Variants in ITGAE observed in about 807,000 individuals in gnomAD.
ITGAE encodes the protein integrin subunit alpha E.
In ITGAE, 99 loss-of-function variants were observed where a neutral mutation model predicts 136.5. The observed-to-expected ratio is 0.73, with a 90% CI of 0.62 to 0.86. ITGAE has a LOEUF of 0.86. Ranked by LOEUF, ITGAE falls within the 40% of genes least tolerant of loss-of-function variation. The pLI, the probability that ITGAE is intolerant of heterozygous loss-of-function variation, is 0.00. For synonymous variants in ITGAE, 613 were observed against 591.8 expected (o/e 1.04, Z -0.52); for missense variants, 1,447 against 1,515.3 (o/e 0.95, Z 0.75).
intron 26 of ITGAE, chr17:3,725,599 G>T: frequency 1.2e-6 from 2 of 1,614,042 alleles, no homozygotes; most frequent in South Asian, 2.2e-5. Context: ...CGCACAGAAG[G>T]CTTTATCGGG....
At chr17:3,768,091 T>C (rs1327668666) in intron 2 of ITGAE, among the ~76,000 whole-genome samples, 3 of 152,192 alleles carry the variant, frequency 2.0e-5, no homozygotes, top group African/African-American at 7.2e-5. Flanking sequence ...AGTGAGCCAC[T>C]GTGCCTGGCC....
At chr17:3,760,376 C>A (rs2052136273) in intron 6 of ITGAE, 89 bp from the exon 7 acceptor site, 1 of 594,986 alleles carries the variant, frequency 1.7e-6, no homozygotes, top group Non-Finnish European at 3.0e-6. Context: ...CCACTGCAGC[C>A]CTGACAACCA....
chr17:3,715,900 T>C (rs552702841), intron 30 of ITGAE, among the ~76,000 whole-genome samples: 1 of 152,054 alleles, frequency 6.6e-6, no homozygotes, highest in African/African-American at 2.4e-5. Context: ...TTCATGACTG[T>C]AATCCCAGAA....
chr17:3,755,060 C>T (rs2051977466), intron 12 of ITGAE, 57 bp downstream of exon 12: 12 of 1,521,884 alleles, frequency 7.9e-6, no homozygotes, highest in Non-Finnish European at 1.1e-5. Flanking sequence ...CCCAGGGAGC[C>T]TCCAGGCCCC....
At position 3,761,035 on chromosome 17, in the gene ITGAE, TTCC is replaced by T. The variant is rs1208913230; in HGVS notation, c.573_575del (p.Glu192del). 1 of 1,603,404 alleles carries T rather than the reference TTCC, an allele frequency of 6.2e-7. No homozygotes were observed. On this transcript the variant is annotated inframe_deletion, in exon 6 of 31. Coordinates refer to ENST00000263087, the MANE Select transcript of ITGAE (RefSeq NM_002208.5). ...CACCAGCTTCCTCCTCCTCCTCGTC[TTCC>T]TCCTCCTCCTTGTCTTCCTCCTCCT... is the stretch of plus-strand genomic sequence containing the variant.
chr17:3,737,902 G>T (rs1400003312), intron 20 of ITGAE, among the ~76,000 whole-genome samples: 1 of 152,164 alleles, frequency 6.6e-6, no homozygotes, highest in Non-Finnish European at 1.5e-5. Flanking sequence ...CATGCGTGCT[G>T]TATCTCTACT....
intron 26 of ITGAE, among the ~76,000 whole-genome samples, chr17:3,727,194 A>G (rs1173943793): frequency 6.6e-6 from 1 of 152,160 alleles, no homozygotes; most frequent in Non-Finnish European, 1.5e-5. Flanking sequence ...TTTGGGAACC[A>G]GACTACAGAT....
chr17:3,729,040 T>TA (rs368373828), intron 24 of ITGAE, among the ~76,000 whole-genome samples: 64 of 142,110 alleles, frequency 4.5e-4, no homozygotes, highest in South Asian at 4.6e-4. Flanking sequence ...CGTCTCAGTT[T>TA]AAAAAAAAAA....
At chr17:3,731,077 C>T in intron 23 of ITGAE, 27 bp downstream of exon 23, 4 of 1,578,828 alleles carry the variant, frequency 2.5e-6, no homozygotes, top group Non-Finnish European at 3.5e-6. Flanking sequence ...CATAGCCTGA[C>T]TCTGCTGTGA....
chr17:3,760,883 C>T, intron 6 of ITGAE, 130 bp downstream of exon 6: 2 of 1,342,574 alleles, frequency 1.5e-6, no homozygotes, highest in East Asian at 5.1e-5. Context: ...GGAGCTGGTA[C>T]AGGTCAGGTC....
At chr17:3,737,848 A>C (rs2051494176) in intron 20 of ITGAE, among the ~76,000 whole-genome samples, 1 of 152,084 alleles carries the variant, frequency 6.6e-6, no homozygotes, top group Non-Finnish European at 1.5e-5. Flanking sequence ...TTGAAAGAGA[A>C]GCGTTTGCTT....
In ITGAE at chr17:3,714,717, G is replaced by A; in HGVS notation, c.*130C>T. The A allele has an allele frequency of 8.7e-6, 5 of 574,012 alleles. No homozygotes were observed. In the South Asian group the frequency reaches 1.2e-4, roughly 13 times the overall value. The allele number at this position is 574,012 out of a possible 1,614,324, so 35.6% of individuals were successfully genotyped here. ...ACAGACACTTTTGGGACAATGTATG[G>A]TTAAAAACTAATATTCTACCAACAG... On this transcript the variant is annotated 3_prime_UTR_variant, in exon 31 of 31. Coordinates refer to ENST00000263087, the MANE Select transcript of ITGAE (RefSeq NM_002208.5).
intron 1 of ITGAE, among the ~76,000 whole-genome samples, chr17:3,792,269 G>A (rs1467175550): frequency 2.6e-5 from 4 of 152,000 alleles, no homozygotes; most frequent in Non-Finnish European, 4.4e-5. Context: ...TTATAGGCAC[G>A]CACCACCACA....
In ITGAE at chr17:3,801,153, G is replaced by A. The variant is rs748897850; in HGVS notation, c.-9C>T. 5 of 1,610,646 alleles carry A rather than the reference G, an allele frequency of 3.1e-6. No homozygotes were observed. The South Asian group carries it at 4.4e-5, about 14-fold the overall frequency. On this transcript the variant is annotated 5_prime_UTR_variant, in exon 1 of 31. Transcript: ENST00000263087. Reference sequence around the variant, plus strand: ...GTGTGGAAGAGCCACATCCTTGCTGGAGCAGAGGCGGCTGTGTGGGAGCCG... The same window carrying A: ...GTGTGGAAGAGCCACATCCTTGCTGAAGCAGAGGCGGCTGTGTGGGAGCCG...
At chr17:3,752,351 G>A (rs1400046655) in intron 14 of ITGAE, among the ~76,000 whole-genome samples, 1 of 152,198 alleles carries the variant, frequency 6.6e-6, no homozygotes, top group Non-Finnish European at 1.5e-5. Context: ...GAGGCTCGCC[G>A]AGCCCCAGCT....
intron 28 of ITGAE, chr17:3,722,531 A>G (rs1461044927): frequency 6.5e-6 from 1 of 152,898 alleles, no homozygotes; most frequent in Non-Finnish European, 1.5e-5. Context: ...TTTAAGAAGA[A>G]ACCACCTACG....
chr17:3,743,486 C>T lies in ITGAE; in HGVS notation c.2448+3G>A, dbSNP rs760964770. ...GCTGGGTACTGGCTGTGGGTAGAGT[C>T]ACCTGGAAGATGGCAAAGGGCTCAG... On this transcript the variant is annotated splice_donor_region_variant and intron_variant, in intron 19 of 30. Transcript: ENST00000263087. 3.1e-5 allele frequency: 50 copies of T among 1,590,090 alleles called. No homozygotes were observed. The highest frequency in any genetic ancestry group is 3.5e-5 in the Non-Finnish European group (41 of 1,170,902).
At chr17:3,764,361 G>GAAGAGTAC (rs2052243532) in intron 2 of ITGAE, among the ~76,000 whole-genome samples, 1 of 152,142 alleles carries the variant, frequency 6.6e-6, no homozygotes, top group South Asian at 2.1e-4. Context: ...TAGTTCCTGA[G>GAAGAGTAC]AAGAGTACGC....
At chr17:3,735,397 C>A (rs1248289141) in intron 20 of ITGAE, among the ~76,000 whole-genome samples, 1 of 152,178 alleles carries the variant, frequency 6.6e-6, no homozygotes, top group East Asian at 1.9e-4. Context: ...GAACTCCTGA[C>A]CTCAGGTGAT....
Sources: allele counts gnomAD v4.1 joint callset (sites outside exome capture counted in the v4.1 genomes callset), GRCh38; gene constraint gnomAD v4.1.1; transcripts MANE v1.5; gene names NCBI Gene and HGNC (gene_info 2026-07-23, HGNC 2026-07-21).